Variants in ZNF385B observed in about 807,000 individuals in gnomAD.
ZNF385B encodes zinc finger protein 533.
Under a neutral mutation model 39.2 loss-of-function variants are expected in ZNF385B, and 23 were observed. That is an observed-to-expected ratio of 0.59 (90% CI 0.42 to 0.83). The LOEUF (loss-of-function observed/expected upper bound fraction) is 0.83, where lower values mean the gene tolerates loss of function less well. Ranked by LOEUF, ZNF385B falls within the 40% of genes least tolerant of loss-of-function variation. The pLI is 0.00. For synonymous variants in ZNF385B, 205 were observed against 222.6 expected (o/e 0.92, Z 0.70); for missense variants, 552 against 598.9 (o/e 0.92, Z 0.82).
intron 3 of ZNF385B, among the ~76,000 whole-genome samples, chr2:179,632,976 G>A (rs1283226195): frequency 1.3e-5 from 2 of 151,916 alleles, no homozygotes; most frequent in African/African-American, 2.4e-5. Flanking sequence ...ATTCCTGGAC[G>A]CATAGACCCT....
intron 3 of ZNF385B, among the ~76,000 whole-genome samples, chr2:179,690,754 C>T (rs150224894): frequency 5.6e-4 from 86 of 152,286 alleles, no homozygotes; most frequent in African/African-American, 1.9e-3. Context: ...ACACCTTCTT[C>T]GCAGGAGTCT....
At chr2:179,759,793 C>T (rs1267659100) in intron 3 of ZNF385B, among the ~76,000 whole-genome samples, 1 of 152,016 alleles carries the variant, frequency 6.6e-6, no homozygotes, top group African/African-American at 2.4e-5. Flanking sequence ...TATTTATTTT[C>T]TCTTGATACT....
intron 3 of ZNF385B, among the ~76,000 whole-genome samples, chr2:179,597,372 A>C (rs1040946741): frequency 2.0e-5 from 3 of 152,222 alleles, no homozygotes; most frequent in Non-Finnish European, 4.4e-5. Context: ...AATACAGTTT[A>C]GTGGTAGCCA....
chr2:179,467,550 A>G (rs2052205843), intron 6 of ZNF385B, among the ~76,000 whole-genome samples: 1 of 152,216 alleles, frequency 6.6e-6, no homozygotes, highest in South Asian at 2.1e-4. Context: ...AAATTCTCCG[A>G]GCATTATAAT....
intron 6 of ZNF385B, among the ~76,000 whole-genome samples, chr2:179,478,938 G>T (rs561003178): frequency 3.3e-4 from 50 of 152,250 alleles, no homozygotes; most frequent in African/African-American, 1.1e-3. Context: ...ACTCCAGGGG[G>T]AAATTTGGGT....
intron 3 of ZNF385B, among the ~76,000 whole-genome samples, chr2:179,644,607 A>C (rs1198691729): frequency 2.0e-5 from 3 of 152,194 alleles, no homozygotes; most frequent in African/African-American, 7.2e-5. Context: ...GTGAAAGTTC[A>C]AATCAAGTTG....
At chr2:179,528,420 G>T (rs2059054035) in intron 4 of ZNF385B, among the ~76,000 whole-genome samples, 1 of 152,324 alleles carries the variant, frequency 6.6e-6, no homozygotes, top group Admixed American at 6.5e-5. Context: ...CTTGGTGAGT[G>T]AATAGCAAAA....
intron 3 of ZNF385B, among the ~76,000 whole-genome samples, chr2:179,706,306 T>G (rs965273124): frequency 1.3e-5 from 2 of 152,182 alleles, no homozygotes; most frequent in Non-Finnish European, 2.9e-5. Flanking sequence ...TTACAAGCGG[T>G]AGCAGTTCTC....
intron 6 of ZNF385B, among the ~76,000 whole-genome samples, chr2:179,483,066 C>A (rs570133054): frequency 6.6e-6 from 1 of 151,432 alleles, no homozygotes; most frequent in Admixed American, 6.6e-5. Flanking sequence ...TATACTTAAA[C>A]GTATATATTT....
At chr2:179,843,027 C>A (rs951547992) in intron 1 of ZNF385B, among the ~76,000 whole-genome samples, 2 of 152,178 alleles carry the variant, frequency 1.3e-5, no homozygotes, top group African/African-American at 2.4e-5. Context: ...TCTGCCACAG[C>A]ATTGAGGGTG....
At chr2:179,658,436 G>A (rs1413035954) in intron 3 of ZNF385B, among the ~76,000 whole-genome samples, 3 of 152,150 alleles carry the variant, frequency 2.0e-5, no homozygotes, top group Non-Finnish European at 4.4e-5. Context: ...GGCAGAAGTG[G>A]ATTTGCAAAA....
At chr2:179,538,886 A>G (rs908341457) in intron 4 of ZNF385B, among the ~76,000 whole-genome samples, 7 of 152,240 alleles carry the variant, frequency 4.6e-5, no homozygotes, top group Non-Finnish European at 1.5e-5. Flanking sequence ...TAGGCACATA[A>G]AACACCTGCC....
At chr2:179,640,121 C>G (rs372847827) in intron 3 of ZNF385B, among the ~76,000 whole-genome samples, 1 of 152,070 alleles carries the variant, frequency 6.6e-6, no homozygotes, top group African/African-American at 2.4e-5. Flanking sequence ...AGTTGAAGAA[C>G]TGTTTAGTTT....
intron 3 of ZNF385B, among the ~76,000 whole-genome samples, chr2:179,552,558 A>T (rs2060644266): frequency 6.7e-6 from 1 of 149,328 alleles, no homozygotes; most frequent in Non-Finnish European, 1.5e-5. Flanking sequence ...TGCCATACTC[A>T]GTTTTCTTTT....
chr2:179,692,142 T>C (rs371403628), intron 3 of ZNF385B, among the ~76,000 whole-genome samples: 13 of 152,226 alleles, frequency 8.5e-5, no homozygotes, highest in African/African-American at 3.1e-4. Flanking sequence ...ACTCACCACA[T>C]CCCTTCTTAC....
At chr2:179,830,113 C>T (rs1707902125) in intron 1 of ZNF385B, among the ~76,000 whole-genome samples, 1 of 152,208 alleles carries the variant, frequency 6.6e-6, no homozygotes, top group Non-Finnish European at 1.5e-5. Context: ...TTGAAAGACT[C>T]CGTATCATGT....
intron 3 of ZNF385B, among the ~76,000 whole-genome samples, chr2:179,721,026 C>T (rs1294255255): frequency 6.7e-6 from 1 of 150,314 alleles, no homozygotes; most frequent in Non-Finnish European, 1.5e-5. Context: ...ACTTCAGCCT[C>T]CCAAAGCACT....
chr2:179,611,890 A>G (rs1025198051), intron 3 of ZNF385B, among the ~76,000 whole-genome samples: 1 of 151,852 alleles, frequency 6.6e-6, no homozygotes, highest in Non-Finnish European at 1.5e-5. Flanking sequence ...TTCCACCTCT[A>G]ATTTTATTTA....
At chr2:179,655,707 C>T (rs940916053) in intron 3 of ZNF385B, among the ~76,000 whole-genome samples, 2 of 152,060 alleles carry the variant, frequency 1.3e-5, no homozygotes, top group Admixed American at 6.5e-5. Flanking sequence ...TGTGAATCCT[C>T]GTAAGAAATA....
Sources: allele counts gnomAD v4.1 joint callset (sites outside exome capture counted in the v4.1 genomes callset), GRCh38; gene constraint gnomAD v4.1.1; transcripts MANE v1.5; gene names NCBI Gene and HGNC (gene_info 2026-07-23, HGNC 2026-07-21).